PDE3A: variants seen among roughly 807,000 people sequenced by gnomAD.
The protein encoded by PDE3A is phosphodiesterase 3A, also known as cGMP-inhibited 3',5'-cyclic phosphodiesterase 3A.
A neutral mutation model predicts 98.3 loss-of-function variants in PDE3A; 43 were observed. The ratio of observed to expected loss-of-function variants is 0.44; its 90% confidence interval spans 0.34 to 0.56. The LOEUF (loss-of-function observed/expected upper bound fraction) is 0.56. Ranked by LOEUF, PDE3A falls within the 20% of genes least tolerant of loss-of-function variation. The probability of loss-of-function intolerance (pLI) is 0.01; values close to 1 mark genes in which losing one functional copy is unlikely to be tolerated. For missense variants in PDE3A, 1,427 were observed against 1,440.7 expected (o/e 0.99, Z 0.15); for synonymous variants, 663 against 567.9 (o/e 1.17, Z -2.38).
intron 1 of PDE3A, among the ~76,000 whole-genome samples, chr12:20,499,539 T>C (rs1302457086): frequency 6.6e-6 from 1 of 152,188 alleles, no homozygotes; most frequent in Non-Finnish European, 1.5e-5. Flanking sequence ...ATTAGACTAA[T>C]GATGCAAAAA....
At chr12:20,545,261 G>A (rs1212555248) in intron 1 of PDE3A, among the ~76,000 whole-genome samples, 1 of 152,006 alleles carries the variant, frequency 6.6e-6, no homozygotes, top group Non-Finnish European at 1.5e-5. Flanking sequence ...CAGAATTATG[G>A]AAACATTCTA....
chr12:20,470,708 G>C (rs558824708), intron 1 of PDE3A, among the ~76,000 whole-genome samples: 56 of 152,128 alleles, frequency 3.7e-4, no homozygotes, highest in Non-Finnish European at 7.1e-4. Context: ...CACGAATCTT[G>C]AATAAGCATC....
chr12:20,640,733 A>G (rs1050439714), intron 10 of PDE3A, among the ~76,000 whole-genome samples: 3 of 152,126 alleles, frequency 2.0e-5, no homozygotes, highest in African/African-American at 4.8e-5. Context: ...AAATGGTCCT[A>G]TAGTGCTACG....
intron 15 of PDE3A, among the ~76,000 whole-genome samples, chr12:20,668,341 C>A (rs1423967782): frequency 6.6e-6 from 1 of 152,132 alleles, no homozygotes; most frequent in East Asian, 1.9e-4. Flanking sequence ...CTGGGTGGAG[C>A]CCACCACAGC....
chr12:20,544,579 C>T (rs999772885), intron 1 of PDE3A, among the ~76,000 whole-genome samples: 12 of 151,780 alleles, frequency 7.9e-5, no homozygotes, highest in African/African-American at 2.2e-4. Context: ...TACTTCAGTA[C>T]GAAGGACCTG....
chr12:20,563,197 T>G (rs1592060534), intron 2 of PDE3A, among the ~76,000 whole-genome samples: 1 of 152,226 alleles, frequency 6.6e-6, no homozygotes, highest in Non-Finnish European at 1.5e-5. Flanking sequence ...TGAAGTTGAT[T>G]AACCTAATCA....
At chr12:20,669,010 T>C (rs1430281138) in intron 15 of PDE3A, among the ~76,000 whole-genome samples, 1 of 150,650 alleles carries the variant, frequency 6.6e-6, no homozygotes. Flanking sequence ...TTAAAGGAGC[T>C]GATGGAGCTG....
chr12:20,560,723 A>G (rs1237095864), intron 2 of PDE3A, among the ~76,000 whole-genome samples: 4 of 152,170 alleles, frequency 2.6e-5, no homozygotes, highest in African/African-American at 4.8e-5. Context: ...TAGTGTGGAA[A>G]AGAAAACACT....
chr12:20,605,250 G>A (rs1282719474), intron 2 of PDE3A, among the ~76,000 whole-genome samples: 1 of 152,062 alleles, frequency 6.6e-6, no homozygotes, highest in Non-Finnish European at 1.5e-5. Flanking sequence ...CTTACCTATT[G>A]GGAGAAGTAT....
At chr12:20,392,445 G>A (rs923477018) in intron 1 of PDE3A, among the ~76,000 whole-genome samples, 3 of 151,716 alleles carry the variant, frequency 2.0e-5, no homozygotes, top group Admixed American at 6.6e-5. Context: ...GGCTGGGGTG[G>A]GAGGATTGTT....
chr12:20,682,546 T>C lies in PDE3A; in HGVS notation c.*2275T>C, dbSNP rs1052381826. The C allele has an allele frequency of 1.3e-5, 2 of 152,210 alleles. No homozygotes were observed. Among genetic ancestry groups the C allele is most frequent in the African/African-American group, 4.8e-5 (2 of 41,462 alleles). The allele number at this position is 152,210 out of a possible 1,614,324, so 9.4% of individuals were successfully genotyped here. On this transcript the variant is annotated 3_prime_UTR_variant, in exon 16 of 16. Coordinates refer to ENST00000359062, the MANE Select transcript of PDE3A (RefSeq NM_000921.5). ...GGATCAAGTGGATGCAGCCTCTACC[T>C]AAATAATTAAAATATATTTCAGTAT...
chr12:20,535,641 G>A (rs530870893), intron 1 of PDE3A, among the ~76,000 whole-genome samples: 4 of 152,060 alleles, frequency 2.6e-5, no homozygotes, highest in African/African-American at 4.8e-5. Flanking sequence ...AATGTTTTGT[G>A]TGCTTACATT....
Position 20,369,743 on chromosome 12 carries a change from C to T in PDE3A, c.459C>T (p.Ala153=), listed in dbSNP as rs201013494. The change falls in exon 1 of 16, where the codon GCC becomes GCT. Residue 153 remains alanine, a synonymous_variant. Coordinates refer to ENST00000359062, the MANE Select transcript of PDE3A (RefSeq NM_000921.5). The part of the protein sequence containing the change: ...FFWMGLYLLR[A]GVRLPLAVAL... ...GGATGGGCTTGTACCTCCTGCGCGCCGGGGTGCGCCTGCCTCTGGCTGTCG... is the reference window on the plus strand; with the variant it reads ...GGATGGGCTTGTACCTCCTGCGCGCTGGGGTGCGCCTGCCTCTGGCTGTCG... The T allele has an allele frequency of 1.2e-4, 193 of 1,612,070 alleles. No homozygotes were observed. Among genetic ancestry groups the T allele is most frequent in the Non-Finnish European group, 1.6e-4 (189 of 1,179,732 alleles).
At chr12:20,548,263 A>T (rs1942106545) in intron 1 of PDE3A, among the ~76,000 whole-genome samples, 1 of 152,062 alleles carries the variant, frequency 6.6e-6, no homozygotes, top group Non-Finnish European at 1.5e-5. Flanking sequence ...TTTTAAAAAA[A>T]ATTTTTTTTA....
At chr12:20,666,973 T>G (rs996386905) in intron 15 of PDE3A, among the ~76,000 whole-genome samples, 1 of 152,192 alleles carries the variant, frequency 6.6e-6, no homozygotes, top group African/African-American at 2.4e-5. Context: ...CCATTCTAAC[T>G]GGGGTAAGAT....
intron 15 of PDE3A, among the ~76,000 whole-genome samples, chr12:20,659,462 TAA>T (rs1285482830): frequency 6.6e-6 from 1 of 152,190 alleles, no homozygotes; most frequent in East Asian, 1.9e-4. Context: ...GTGCTATTAT[TAA>T]GACTTTTCTT....
Position 20,664,321 on chromosome 12 carries a change from T to G in PDE3A, c.3184+10116T>G, listed in dbSNP as rs770019452. ...TGAACTTCTGAACTCTTGGCTCAAG[T>G]CTAAAATCGTCACTTAGATGAGGGT... On this transcript the variant is annotated intron_variant, in intron 15 of 15. Transcript: ENST00000359062. Among the ~76,000 whole-genome samples the G allele has an allele frequency of 2.2e-4, 34 of 152,276 alleles. No individual in the cohort carries two copies. In the Middle Eastern group the frequency reaches 0.02, roughly 91 times the overall value.
intron 1 of PDE3A, among the ~76,000 whole-genome samples, chr12:20,523,603 A>G (rs947930278): frequency 5.9e-5 from 9 of 152,176 alleles, no homozygotes; most frequent in African/African-American, 2.2e-4. Context: ...TTAATGTTGA[A>G]TTCAAATGTT....
intron 1 of PDE3A, among the ~76,000 whole-genome samples, chr12:20,467,361 TAAAG>T (rs1945356888): frequency 1.3e-5 from 2 of 151,848 alleles, no homozygotes; most frequent in African/African-American, 4.8e-5. Flanking sequence ...TTTATATTAA[TAAAG>T]ATAGTGTAGG....
Sources: allele counts gnomAD v4.1 joint callset (sites outside exome capture counted in the v4.1 genomes callset), GRCh38; gene constraint gnomAD v4.1.1; transcripts MANE v1.5; gene names NCBI Gene and HGNC (gene_info 2026-07-23, HGNC 2026-07-21).